Variants in GPC6 observed in about 807,000 individuals in gnomAD.
GPC6 encodes the protein glypican 6.
GPC6 carries 14 observed loss-of-function variants against 55.2 expected under a neutral mutation model. The observed-to-expected ratio is 0.25, with a 90% CI of 0.17 to 0.40. The LOEUF is 0.40. Among genes scored for constraint, GPC6 ranks in the 10% least tolerant of loss-of-function variants. GPC6 has a pLI of 1.00. For synonymous variants in GPC6, 278 were observed against 259.6 expected (o/e 1.07, Z -0.68); for missense variants, 641 against 708.5 (o/e 0.90, Z 1.08).
At chr13:93,389,318 A>G (rs1297161940) in intron 1 of GPC6, among the ~76,000 whole-genome samples, 4 of 151,546 alleles carry the variant, frequency 2.6e-5, no homozygotes, top group African/African-American at 9.7e-5. Flanking sequence ...TAACATAGTG[A>G]AACCCCGTCT....
intron 2 of GPC6, among the ~76,000 whole-genome samples, chr13:93,702,607 T>G (rs570487697): frequency 6.6e-6 from 1 of 152,168 alleles, no homozygotes; most frequent in South Asian, 2.1e-4. Flanking sequence ...GAAGGCTGTT[T>G]CATCTACATT....
At chr13:94,202,439 T>A (rs1305208763) in intron 4 of GPC6, among the ~76,000 whole-genome samples, 1 of 152,076 alleles carries the variant, frequency 6.6e-6, no homozygotes, top group Non-Finnish European at 1.5e-5. Context: ...ATGTCCTACA[T>A]GGTGGCAGAC....
At chr13:93,799,764 G>C (rs1416839694) in intron 2 of GPC6, among the ~76,000 whole-genome samples, 1 of 152,180 alleles carries the variant, frequency 6.6e-6, no homozygotes. Context: ...GACTGGCTCT[G>C]TAAACCAAAG....
chr13:93,467,946 T>C (rs1398229037), intron 1 of GPC6, among the ~76,000 whole-genome samples: 2 of 152,076 alleles, frequency 1.3e-5, no homozygotes, highest in African/African-American at 4.8e-5. Flanking sequence ...GTGACACTTG[T>C]GGTGGTCTTG....
chr13:93,349,936 T>C (rs1305893818), intron 1 of GPC6, among the ~76,000 whole-genome samples: 1 of 152,228 alleles, frequency 6.6e-6, no homozygotes, highest in Admixed American at 6.5e-5. Flanking sequence ...TGCTAACTGA[T>C]AAAAATTAAA....
At chr13:93,707,520 A>G (rs1402309551) in intron 2 of GPC6, among the ~76,000 whole-genome samples, 1 of 151,720 alleles carries the variant, frequency 6.6e-6, no homozygotes, top group African/African-American at 2.4e-5. Context: ...CAATGTTTCT[A>G]CCTCTTAAGA....
At chr13:93,499,077 A>G (rs1167753158) in intron 1 of GPC6, among the ~76,000 whole-genome samples, 1 of 139,018 alleles carries the variant, frequency 7.2e-6, no homozygotes, top group Non-Finnish European at 1.5e-5. Flanking sequence ...TAGTATATCC[A>G]CAATCCTTAA....
intron 3 of GPC6, among the ~76,000 whole-genome samples, chr13:93,938,424 A>T (rs1878550978): frequency 6.6e-6 from 1 of 152,222 alleles, no homozygotes; most frequent in Non-Finnish European, 1.5e-5. Flanking sequence ...ATAAATTAAT[A>T]TTCATAGATT....
intron 2 of GPC6, among the ~76,000 whole-genome samples, chr13:93,564,104 C>A (rs1283137153): frequency 6.6e-6 from 1 of 151,972 alleles, no homozygotes; most frequent in African/African-American, 2.4e-5. Context: ...ATATTTTATA[C>A]TTTAACTCAT....
chr13:93,826,556 T>A (rs1047173421), intron 2 of GPC6, among the ~76,000 whole-genome samples: 3 of 152,218 alleles, frequency 2.0e-5, no homozygotes, highest in Non-Finnish European at 4.4e-5. Context: ...ATATAGTACT[T>A]AATCCAATCC....
At chr13:93,456,224 A>G (rs1353866583) in intron 1 of GPC6, among the ~76,000 whole-genome samples, 1 of 152,190 alleles carries the variant, frequency 6.6e-6, no homozygotes, top group Non-Finnish European at 1.5e-5. Context: ...TTCAGCATTC[A>G]TAATTAAGAG....
At chr13:93,657,209 G>T (rs1052098715) in intron 2 of GPC6, among the ~76,000 whole-genome samples, 1 of 151,982 alleles carries the variant, frequency 6.6e-6, no homozygotes, top group African/African-American at 2.4e-5. Flanking sequence ...ATACTACAAG[G>T]TGATAGTAAC....
At chr13:93,912,698 G>C (rs573683417) in intron 3 of GPC6, among the ~76,000 whole-genome samples, 9 of 152,128 alleles carry the variant, frequency 5.9e-5, no homozygotes, top group Non-Finnish European at 1.2e-4. Flanking sequence ...AGCCGAGATT[G>C]CGCCACTGCA....
At chr13:93,929,178 A>C (rs1223945884) in intron 3 of GPC6, among the ~76,000 whole-genome samples, 1 of 152,188 alleles carries the variant, frequency 6.6e-6, no homozygotes, top group African/African-American at 2.4e-5. Flanking sequence ...TTTCAGGTCA[A>C]AAGCCAGAAA....
At chr13:94,213,837 A>T (rs1393654442) in intron 4 of GPC6, among the ~76,000 whole-genome samples, 1 of 152,192 alleles carries the variant, frequency 6.6e-6, no homozygotes, top group Non-Finnish European at 1.5e-5. Context: ...CTTGATGGAG[A>T]TGCTGCAAAT....
At chr13:93,852,961 G>A (rs1461588374) in intron 3 of GPC6, among the ~76,000 whole-genome samples, 3 of 151,458 alleles carry the variant, frequency 2.0e-5, no homozygotes, top group Admixed American at 6.6e-5. Flanking sequence ...TCTTATGCAG[G>A]CAACATATGT....
At chr13:94,170,813 T>C (rs935498972) in intron 4 of GPC6, among the ~76,000 whole-genome samples, 5 of 152,202 alleles carry the variant, frequency 3.3e-5, no homozygotes, top group Non-Finnish European at 7.3e-5. Flanking sequence ...ATTTGAGCCA[T>C]CATGTTTAAT....
intron 2 of GPC6, among the ~76,000 whole-genome samples, chr13:93,723,014 G>T (rs1315809016): frequency 6.6e-6 from 1 of 151,922 alleles, no homozygotes; most frequent in African/African-American, 2.4e-5. Flanking sequence ...ACATTCACAG[G>T]TATTAGGGGT....
At chr13:93,894,044 G>C (rs899317618) in intron 3 of GPC6, among the ~76,000 whole-genome samples, 1 of 152,158 alleles carries the variant, frequency 6.6e-6, no homozygotes, top group Non-Finnish European at 1.5e-5. Flanking sequence ...AGAAAGGGAA[G>C]TGCAACACAT....
Sources: gnomAD v4.1 joint callset for allele counts (sites outside exome capture counted in the v4.1 genomes callset) on GRCh38, gnomAD v4.1.1 for gene constraint, MANE v1.5 for transcripts, NCBI Gene and HGNC (gene_info 2026-07-23, HGNC 2026-07-21) for gene names.